ANKRD18B: variants seen among roughly 807,000 people sequenced by gnomAD.
The protein encoded by ANKRD18B is ankyrin repeat domain-containing protein 18B.
ANKRD18B carries 75 observed loss-of-function variants against 111.8 expected under a neutral mutation model. The observed-to-expected ratio is 0.67, with a 90% CI of 0.56 to 0.81. The LOEUF (loss-of-function observed/expected upper bound fraction) is 0.81, where lower values mean the gene tolerates loss of function less well. Among genes scored for constraint, ANKRD18B ranks in the 40% least tolerant of loss-of-function variants. The pLI is 0.00. For missense variants in ANKRD18B, 1,038 were observed against 1,225.5 expected (o/e 0.85, Z 2.28); for synonymous variants, 356 against 417.3 (o/e 0.85, Z 1.79).
At position 33,548,025 on chromosome 9, in the gene ANKRD18B, T is replaced by C. The variant is rs1450465109; in HGVS notation, c.1237T>C (p.Tyr413His). The C allele has an allele frequency of 4.6e-6, 7 of 1,528,222 alleles. No individual in the cohort carries two copies. In the East Asian group the frequency reaches 9.8e-5, roughly 21 times the overall value. The allele number at this position is 1,528,222 out of a possible 1,614,324, so 94.7% of individuals were successfully genotyped here. ...RDIAMLKEELYAIKNDSLRKE... is the reference protein window; with the variant it reads ...RDIAMLKEELHAIKNDSLRKE... ...CATTGCCATGCTCAAAGAGGAATTA[T>C]ATGCAATAAAAAATGACAGTCTCAG... The change falls in exon 11 of 19, where the codon TAT becomes CAT. Residue 413 changes from tyrosine (Y) to histidine (H), a missense_variant. Tyr to His is a moderately conservative substitution (Grantham distance 83). Around this residue, in one of 4 missense-constraint regions of ANKRD18B, gnomAD observed 205 missense variants for 201.3 expected, o/e 1.02. Coordinates refer to ENST00000684830, the MANE Select transcript of ANKRD18B (RefSeq NM_001393611.1).
chr9:33,564,134 T>A (rs577133179), intron 14 of ANKRD18B, among the ~76,000 whole-genome samples: 1 of 152,188 alleles, frequency 6.6e-6, no homozygotes, highest in African/African-American at 2.4e-5. Context: ...CCTGTCTGAT[T>A]TTTTACTTTG....
intron 8 of ANKRD18B, 29 bp from the exon 9 acceptor site, chr9:33,541,118 A>T: frequency 6.5e-7 from 1 of 1,538,598 alleles, no homozygotes; most frequent in South Asian, 1.3e-5. Flanking sequence ...TTCCAGAAGG[A>T]ATATCTAACA....
At chr9:33,531,064 T>C (rs1828108380) in intron 3 of ANKRD18B, among the ~76,000 whole-genome samples, 1 of 152,222 alleles carries the variant, frequency 6.6e-6, no homozygotes, top group Non-Finnish European at 1.5e-5. Flanking sequence ...ATTATCGGGA[T>C]GTCAGTTTTA....
chr9:33,571,891 C>T (rs10971569), intron 18 of ANKRD18B: 31,160 of 159,188 alleles, frequency 0.2, 3,166 homozygotes, highest in East Asian at 0.22. Flanking sequence ...CCAGAAAGCC[C>T]ATGATATTGA....
rs758720899 is a variant in ANKRD18B at position 33,558,075 on chromosome 9, A to G, written c.2348A>G (p.Glu783Gly). The stretch of plus-strand genomic sequence containing the variant: ...TTCTGCAGATATAAGAAATGCCTAG[A>G]AATGACAATAAATATGTTAAATGCA... ...EEATGYKKCLEMTINMLNAFA... is the reference protein window; with the variant it reads ...EEATGYKKCLGMTINMLNAFA... The change falls in exon 14 of 19, where the codon GAA (glutamate) becomes GGA (glycine). Residue 783 changes from glutamate (E) to glycine (G), a missense_variant. Coordinates refer to ENST00000684830, the MANE Select transcript of ANKRD18B (RefSeq NM_001393611.1). The G allele has an allele frequency of 1.9e-6, 3 of 1,605,046 alleles. No individual in the cohort carries two copies. The highest frequency in any genetic ancestry group is 4.5e-5 in the East Asian group (2 of 44,600).
chr9:33,527,482 C>A (rs1225050747), intron 1 of ANKRD18B, among the ~76,000 whole-genome samples: 1 of 152,076 alleles, frequency 6.6e-6, no homozygotes, highest in Non-Finnish European at 1.5e-5. Flanking sequence ...CCACCACGCC[C>A]AGCTAATTTT....
chr9:33,539,843 G>A (rs1192797727), intron 7 of ANKRD18B, among the ~76,000 whole-genome samples: 3 of 150,660 alleles, frequency 2.0e-5, no homozygotes, highest in Non-Finnish European at 4.4e-5. Context: ...TGGTTGTCCA[G>A]TGATATTATT....
intron 14 of ANKRD18B, among the ~76,000 whole-genome samples, chr9:33,561,865 C>A (rs1828613595): frequency 6.6e-6 from 1 of 152,088 alleles, no homozygotes; most frequent in Non-Finnish European, 1.5e-5. Flanking sequence ...TAGTTTATGT[C>A]TATTCTTAGT....
Position 33,534,356 on chromosome 9 carries a change from CT to C in ANKRD18B, c.603-11del. The C allele has an allele frequency of 6.6e-7, 1 of 1,522,322 alleles. No individual in the cohort carries two copies. The highest frequency in any genetic ancestry group is 1.3e-5 in the South Asian group (1 of 77,974). 94.3% of individuals were successfully genotyped at this position (1,522,322 alleles called of 1,614,324 possible). ...TCAAAGTTCTTGAGTGCTGTTATTTCTTTATTGTTTTAGAACAGCCCTCATA... is the reference window on the plus strand; with the variant it reads ...TCAAAGTTCTTGAGTGCTGTTATTTCTTATTGTTTTAGAACAGCCCTCATA... On this transcript the variant is annotated splice_polypyrimidine_tract_variant and intron_variant, in intron 4 of 18. Coordinates refer to ENST00000684830, the MANE Select transcript of ANKRD18B (RefSeq NM_001393611.1).
Position 33,566,317 on chromosome 9 carries a change from A to G in ANKRD18B, c.2559A>G (p.Gly853=). 6.4e-7 allele frequency: 1 copy of G among 1,563,346 alleles called. No individual in the cohort carries two copies. The highest frequency in any genetic ancestry group is 1.2e-5 in the South Asian group (1 of 86,176). ...EVLHQELLSM[G]KVQEKCEKLE... ...TTCATCAGGAGTTATTATCTATGGG[A>G]AAAGTACAAGAGAAATGTGAAAAAC... Residue 853 remains glycine (G), a synonymous_variant, in exon 15 of 19, where the codon GGA becomes GGG. Coordinates refer to ENST00000684830, the MANE Select transcript of ANKRD18B (RefSeq NM_001393611.1).
rs777869041 is a variant in ANKRD18B at position 33,558,078 on chromosome 9, T to C, written c.2351T>C (p.Met784Thr). ...TGCAGATATAAGAAATGCCTAGAAATGACAATAAATATGTTAAATGCATTT... is the reference window on the plus strand; with the variant it reads ...TGCAGATATAAGAAATGCCTAGAAACGACAATAAATATGTTAAATGCATTT... The part of the protein sequence containing the change: ...EATGYKKCLE[M>T]TINMLNAFAN... The change falls in exon 14 of 19, where the codon ATG (methionine) becomes ACG (threonine). Residue 784 changes from methionine to threonine, a missense_variant. By Grantham distance (81) the Met-to-Thr change is moderately conservative. This residue lies in a region of ANKRD18B where 524 missense variants were observed against 677.9 expected (regional missense o/e 0.77). Coordinates refer to ENST00000684830, the MANE Select transcript of ANKRD18B (RefSeq NM_001393611.1). 3.2e-5 allele frequency: 51 copies of C among 1,605,886 alleles called. No individual in the cohort carries two copies. Among genetic ancestry groups the C allele is most frequent in the Non-Finnish European group, 4.3e-5 (50 of 1,175,810 alleles).
At chr9:33,544,548 C>T (rs1265329104) in intron 10 of ANKRD18B, among the ~76,000 whole-genome samples, 1 of 152,022 alleles carries the variant, frequency 6.6e-6, no homozygotes, top group East Asian at 1.9e-4. Context: ...CTTTAAAATT[C>T]ATTACAATTC....
chr9:33,534,074 A>G (rs1393812006), intron 4 of ANKRD18B, among the ~76,000 whole-genome samples: 3 of 152,140 alleles, frequency 2.0e-5, no homozygotes, highest in Non-Finnish European at 4.4e-5. Flanking sequence ...ACTTTCAATA[A>G]GTGACCTCAG....
chr9:33,566,973 T>C (rs769294711), intron 15 of ANKRD18B, 130 bp from the exon 16 acceptor site: 20 of 840,886 alleles, frequency 2.4e-5, no homozygotes, highest in Non-Finnish European at 3.4e-5. Context: ...TGATAAATAT[T>C]TTAAGCTTCA....
chr9:33,574,204 G>A (rs1427875213), downstream of ANKRD18B, among the ~76,000 whole-genome samples: 1 of 108,402 alleles, frequency 9.2e-6, no homozygotes, highest in South Asian at 3.3e-4. Flanking sequence ...GGTCAGTGGG[G>A]TCTGGTCCAT....
chr9:33,526,331 G>A (rs925402548), intron 1 of ANKRD18B, among the ~76,000 whole-genome samples: 57 of 152,266 alleles, frequency 3.7e-4, no homozygotes, highest in African/African-American at 1.2e-3. Flanking sequence ...GCCATTGAAG[G>A]TGGCAATAGG....
intron 5 of ANKRD18B, among the ~76,000 whole-genome samples, chr9:33,534,836 T>TG: frequency 6.7e-6 from 1 of 149,920 alleles, no homozygotes; most frequent in South Asian, 2.1e-4. Flanking sequence ...TTTTTTTTTT[T>TG]TTTTTTTTGA....
chr9:33,558,217 A>G, intron 14 of ANKRD18B, 30 bp downstream of exon 14: 1 of 1,578,950 alleles, frequency 6.3e-7, no homozygotes, highest in Non-Finnish European at 8.6e-7. Flanking sequence ...TTTTATCTTA[A>G]GGTCTAGATT....
rs767993342 is a variant in ANKRD18B, at chr9:33,550,895, G to GGTGA, written c.2217+318_2217+321dup. Among the ~76,000 whole-genome samples, 10 of 152,116 alleles carry GGTGA rather than the reference G, an allele frequency of 6.6e-5. No individual in the cohort carries two copies. In the East Asian group the frequency reaches 9.7e-4, roughly 15 times the overall value. On this transcript the variant is annotated intron_variant, in intron 12 of 18. Transcript: ENST00000684830. ...TTTTAGATAATTTCCTTAATGCCTTGGTGAGGCAAGCCAGATTAAGTCAGA... is the reference window on the plus strand; with the variant it reads ...TTTTAGATAATTTCCTTAATGCCTTGGTGAGTGAGGCAAGCCAGATTAAGTCAGA...
Sources: allele counts gnomAD v4.1 joint callset (sites outside exome capture counted in the v4.1 genomes callset), GRCh38; gene constraint gnomAD v4.1.1; regional missense constraint gnomAD v4.1.1; transcripts MANE v1.5; gene names NCBI Gene and HGNC (gene_info 2026-07-23, HGNC 2026-07-21).